Variants in CDC34 observed in about 807,000 individuals in gnomAD.
The protein encoded by CDC34 is cell division cycle 34, ubiquitin conjugating enzyme.
In CDC34, 18 loss-of-function variants were observed where a neutral mutation model predicts 26.8. The ratio of observed to expected loss-of-function variants is 0.67; its 90% CI spans 0.47 to 1.00. The LOEUF is 1.00. Ranked by LOEUF, CDC34 falls within the 50% of genes least tolerant of loss-of-function variation. CDC34 has a pLI of 0.00. For missense variants in CDC34, 280 were observed against 334.5 expected, an observed-to-expected ratio of 0.84 and a Z score of 1.27; for synonymous variants, 178 against 147.5, an observed-to-expected ratio of 1.21 and a Z score of -1.50.
intron 1 of CDC34, among the ~76,000 whole-genome samples, chr19:533,610 C>G (rs1051449603): frequency 6.6e-6 from 1 of 152,252 alleles, no homozygotes; most frequent in Non-Finnish European, 1.5e-5. Flanking sequence ...ACCTCGAAGC[C>G]AGGCCTGTGA....
chr19:537,397 G>A lies in CDC34; in HGVS notation c.497+250G>A, dbSNP rs553925045. Among the ~76,000 whole-genome samples the A allele has an allele frequency of 9.2e-5, 14 of 152,284 alleles. 1 individual carries two copies. The East Asian group carries it at 2.7e-3, about 29-fold the overall frequency. On this transcript the variant is annotated intron_variant, in intron 4 of 4. Coordinates refer to ENST00000215574, the MANE Select transcript of CDC34 (RefSeq NM_004359.2). ...AGACAGAGTCTCTCTCTGTCACCCA[G>A]GCTGGAGTGCAGTGGCGCGATCTCG...
intron 4 of CDC34, chr19:538,802 C>A: frequency 1.0e-6 from 1 of 985,300 alleles, no homozygotes. Context: ...TGGGCGGGCC[C>A]CGTGCGGCCT....
At chr19:534,878 C>T (rs1460150894) in intron 1 of CDC34, among the ~76,000 whole-genome samples, 1 of 149,624 alleles carries the variant, frequency 6.7e-6, no homozygotes, top group African/African-American at 2.5e-5. Flanking sequence ...CCTGTCCAGA[C>T]CTCGCCCACG....
At position 541,683 on chromosome 19, in the gene CDC34, C is replaced by G; in HGVS notation, c.*131C>G. On this transcript the variant is annotated 3_prime_UTR_variant, in exon 5 of 5. Transcript: ENST00000215574. Reference sequence around the variant, plus strand: ...TGGTTGTTTCGTTTTGGCTTTTTCTCCCTCCCCATGTCTGTTCTGGGTTTT... The same window carrying G: ...TGGTTGTTTCGTTTTGGCTTTTTCTGCCTCCCCATGTCTGTTCTGGGTTTT... 9.3e-7 allele frequency: 1 copy of G among 1,079,262 alleles called. No homozygotes were observed. Among genetic ancestry groups the G allele is most frequent in the Middle Eastern group, 2.8e-4 (1 of 3,576 alleles). The allele number at this position is 1,079,262 out of a possible 1,614,324, so 66.9% of individuals were successfully genotyped here. A position where few individuals can be genotyped will look rare whatever the true frequency, so the allele number is the denominator to read the frequency against.
At chr19:537,639 A>C (rs1176864081) in intron 4 of CDC34, among the ~76,000 whole-genome samples, 5 of 120,940 alleles carry the variant, frequency 4.1e-5, no homozygotes, top group South Asian at 2.8e-4. Flanking sequence ...GGCGTGAGCC[A>C]CCGCGGCCGG....
chr19:537,152 G>T lies in CDC34; in HGVS notation c.497+5G>T, dbSNP rs1346211141. On this transcript the variant is annotated splice_donor_5th_base_variant and intron_variant, in intron 4 of 4. Transcript: ENST00000215574. ...GGAGTACACAGACATCATCCGGTGA[G>T]GGCGGGCGGGGGCGTCACGGGAGGA... 6.2e-7 allele frequency: 1 copy of T among 1,612,438 alleles called. No individual in the cohort carries two copies. Among genetic ancestry groups the T allele is most frequent in the African/African-American group, 1.3e-5 (1 of 75,060 alleles).
At chr19:532,570 C>T (rs4919914) in intron 1 of CDC34, among the ~76,000 whole-genome samples, 55,062 of 152,094 alleles carry the variant, frequency 0.36, 12,265 homozygotes, top group East Asian at 0.57. Context: ...CAAAGAGGCC[C>T]CCCCAGACCC....
At chr19:538,813 C>T in intron 4 of CDC34, 5 of 985,256 alleles carry the variant, frequency 5.1e-6, no homozygotes, top group Non-Finnish European at 6.0e-6. Context: ...CGTGCGGCCT[C>T]CTGGGAAGTG....
At position 536,260 on chromosome 19, in the gene CDC34, C is replaced by T. The variant is rs758628661; in HGVS notation, c.282C>T (p.Ile94=). ...TTGTGCAGACGGGGGACGTGTGTAT[C>T]TCCATCCTCCACCCGCCGGTGGACG... The part of the protein sequence containing the change: ...PNIYETGDVC[I]SILHPPVDDP... Residue 94 remains isoleucine, a synonymous_variant, in exon 3 of 5, where the codon ATC becomes ATT. Coordinates refer to ENST00000215574, the MANE Select transcript of CDC34 (RefSeq NM_004359.2). 1.2e-5 allele frequency: 19 copies of T among 1,606,440 alleles called. No individual in the cohort carries two copies. Among genetic ancestry groups the T allele is most frequent in the East Asian group, 2.2e-5 (1 of 44,576 alleles).
intron 4 of CDC34, chr19:538,950 C>G (rs1037184790): frequency 1.0e-6 from 1 of 985,228 alleles, no homozygotes; most frequent in East Asian, 1.1e-4. Flanking sequence ...CTCCTTGGCC[C>G]GGTTCTTCCC....
intron 4 of CDC34, chr19:539,144 C>A: frequency 2.0e-6 from 1 of 489,270 alleles, no homozygotes; most frequent in Non-Finnish European, 2.7e-6. Flanking sequence ...CCAAGTCCCG[C>A]TGAGCTGTGT....
At position 536,325 on chromosome 19, in the gene CDC34, C is replaced by T; in HGVS notation, c.347C>T (p.Pro116Leu). The T allele has an allele frequency of 6.2e-7, 1 of 1,611,968 alleles. No homozygotes were observed. Among genetic ancestry groups the T allele is most frequent in the Non-Finnish European group, 8.5e-7 (1 of 1,179,534 alleles). Reference sequence around the variant, plus strand: ...GAGCTGCCCTCAGAGAGGTGGAACCCCACGCAGAACGTCAGGTAAGCCGGC... The same window carrying T: ...GAGCTGCCCTCAGAGAGGTGGAACCTCACGCAGAACGTCAGGTAAGCCGGC... ...SGELPSERWN[P>L]TQNVRTILLS... Residue 116 changes from proline (P) to leucine (L), a missense_variant, in exon 3 of 5, where the codon CCC (proline) becomes CTC (leucine). Physicochemically the swap from Pro to Leu is moderately conservative, Grantham distance 98. Coordinates refer to ENST00000215574, the MANE Select transcript of CDC34 (RefSeq NM_004359.2).
intron 2 of CDC34, 92 bp downstream of exon 2, chr19:536,015 G>A (rs554624523): frequency 1.5e-5 from 19 of 1,290,518 alleles, no homozygotes; most frequent in East Asian, 9.3e-5. Context: ...GACCCGGGGC[G>A]CTGGGAGCCT....
chr19:537,528 A>AT (rs1979812778), intron 4 of CDC34, among the ~76,000 whole-genome samples: 1 of 150,772 alleles, frequency 6.6e-6, no homozygotes, highest in Non-Finnish European at 1.5e-5. Flanking sequence ...AATTTTTTGT[A>AT]TTTTTAGTAG....
intron 4 of CDC34, among the ~76,000 whole-genome samples, chr19:537,677 A>G (rs1979823766): frequency 4.9e-5 from 2 of 40,560 alleles, no homozygotes; most frequent in African/African-American, 5.2e-5. Flanking sequence ...TTTTTTGGAG[A>G]CAGAGTTATA....
In CDC34 at chr19:538,655, T is replaced by C. The variant is rs139785602; in HGVS notation, c.497+1508T>C. The C allele has an allele frequency of 2.3e-4, 206 of 911,500 alleles. 1 individual carries two copies. The African/African-American group carries it at 3.5e-3, about 16-fold the overall frequency. The allele number at this position is 911,500 out of a possible 1,614,324, so 56.5% of individuals were successfully genotyped here. ...AACTTTTAAAATATTGCACACATAA[T>C]GCATGTGTCTTCCTCGCCCCAGGAC... On this transcript the variant is annotated intron_variant, in intron 4 of 4. Coordinates refer to ENST00000215574, the MANE Select transcript of CDC34 (RefSeq NM_004359.2).
chr19:532,073 C>T lies in CDC34; in HGVS notation c.142C>T (p.Pro48Ser). 1.3e-6 allele frequency: 2 copies of T among 1,517,770 alleles called. No individual in the cohort carries two copies. The highest frequency in any genetic ancestry group is 1.8e-6 in the Non-Finnish European group (2 of 1,142,274). 94.0% of individuals were successfully genotyped at this position (1,517,770 alleles called of 1,614,324 possible). ...LYNWEVAIFG[P>S]PNTYYEGGYF... ...CAACTGGGAGGTGGCCATCTTCGGGCCCCCCAACACCTACTACGAGGGCGG... is the reference window on the plus strand; with the variant it reads ...CAACTGGGAGGTGGCCATCTTCGGGTCCCCCAACACCTACTACGAGGGCGG... Residue 48 changes from proline (P) to serine (S), a missense_variant, in exon 1 of 5, where the codon CCC becomes TCC. By Grantham distance (74) the Pro-to-Ser change is moderately conservative. Transcript: ENST00000215574.
intron 1 of CDC34, among the ~76,000 whole-genome samples, chr19:532,418 C>T (rs1186829649): frequency 2.0e-5 from 3 of 152,222 alleles, no homozygotes; most frequent in African/African-American, 4.8e-5. Flanking sequence ...CCTGTAGCAT[C>T]TGGGCGTGGG....
intron 4 of CDC34, 36 bp from the exon 5 acceptor site, chr19:541,303 A>G (rs1980002478): frequency 6.7e-7 from 1 of 1,501,264 alleles, no homozygotes; most frequent in Admixed American, 2.1e-5. Context: ...GAGTCCAGGC[A>G]CGTGGGTGGC....
Sources: allele counts gnomAD v4.1 joint callset (sites outside exome capture counted in the v4.1 genomes callset), GRCh38; gene constraint gnomAD v4.1.1; transcripts MANE v1.5; gene names NCBI Gene and HGNC (gene_info 2026-07-23, HGNC 2026-07-21).